Variants in DOCK9 observed in about 807,000 individuals in gnomAD.
DOCK9 encodes dedicator of cytokinesis protein 9.
DOCK9 carries 89 observed loss-of-function variants against 263.3 expected under a neutral mutation model. The observed-to-expected ratio is 0.34, with a 90% CI of 0.28 to 0.40. DOCK9 has a LOEUF of 0.40. Among genes scored for constraint, DOCK9 ranks in the 10% least tolerant of loss-of-function variants. The pLI, the probability that DOCK9 is intolerant of heterozygous loss-of-function variation, is 1.00. For missense variants in DOCK9, 2,140 were observed against 2,603.4 expected (o/e 0.82, Z 3.87); for synonymous variants, 976 against 973.1 (o/e 1.00, Z -0.06).
At chr13:99,033,406 G>GC (rs1384796184) in intron 1 of DOCK9, among the ~76,000 whole-genome samples, 4 of 152,282 alleles carry the variant, frequency 2.6e-5, no homozygotes, top group Non-Finnish European at 5.9e-5. Context: ...TGAAACTACT[G>GC]CCCCAAGGAG....
At chr13:98,844,188 G>C (rs1002532463) in intron 38 of DOCK9, among the ~76,000 whole-genome samples, 1 of 152,132 alleles carries the variant, frequency 6.6e-6, no homozygotes, top group South Asian at 2.1e-4. Context: ...CAACAGAAAA[G>C]ATGTTAAAAA....
rs1345480080 is a variant in DOCK9 at position 98,888,831 on chromosome 13, G to A, written c.1710-120C>T. On this transcript the variant is annotated intron_variant, in intron 15 of 52. Transcript: ENST00000682017. ...CATAAAGACAATTTTAAACATTCTA[G>A]TAGCCTCATGAAAAACAGCAAACAG... 8.7e-6 allele frequency: 7 copies of A among 803,456 alleles called. No individual in the cohort carries two copies. The African/African-American group carries it at 1.2e-4, about 14-fold the overall frequency. The allele number at this position is 803,456 out of a possible 1,614,324, so 49.8% of individuals were successfully genotyped here. A position where few individuals can be genotyped will look rare whatever the true frequency, so the allele number is the denominator to read the frequency against.
chr13:98,914,292 A>T (rs757832716), intron 9 of DOCK9, 36 bp downstream of exon 9: 8 of 1,562,970 alleles, frequency 5.1e-6, no homozygotes, highest in Non-Finnish European at 7.0e-6. Flanking sequence ...CTTCAACAGC[A>T]TTCAACGAAG....
At chr13:98,877,574 T>C (rs1006683642) in intron 27 of DOCK9, among the ~76,000 whole-genome samples, 11 of 152,042 alleles carry the variant, frequency 7.2e-5, no homozygotes, top group Non-Finnish European at 1.5e-4. Flanking sequence ...TGGTCCTCAT[T>C]CTCCTTCTTC....
chr13:99,087,229 CCGGAGGCA>C (rs2042369191), upstream of DOCK9, among the ~76,000 whole-genome samples: 1 of 152,128 alleles, frequency 6.6e-6, no homozygotes, highest in African/African-American at 2.4e-5. Flanking sequence ...CGTTCAGTCC[CCGGAGGCA>C]CGGAGCTCGC....
chr13:99,038,603 G>A (rs899990695), intron 1 of DOCK9, among the ~76,000 whole-genome samples: 3 of 152,084 alleles, frequency 2.0e-5, no homozygotes, highest in African/African-American at 7.2e-5. Flanking sequence ...ACCACGTCCG[G>A]CTTATGCCAC....
chr13:98,876,774 C>G (rs1053258326), intron 27 of DOCK9, among the ~76,000 whole-genome samples: 6 of 151,312 alleles, frequency 4.0e-5, no homozygotes, highest in African/African-American at 7.2e-5. Flanking sequence ...GTGATTAGGG[C>G]AAAGAACAGC....
chr13:99,043,505 C>CTA (rs1888670561), intron 1 of DOCK9, among the ~76,000 whole-genome samples: 1 of 152,172 alleles, frequency 6.6e-6, no homozygotes, highest in Admixed American at 6.5e-5. Flanking sequence ...AAGTCAGCCC[C>CTA]TCTAGCTTTC....
chr13:99,037,856 A>G (rs1222818402), intron 1 of DOCK9, among the ~76,000 whole-genome samples: 4 of 152,256 alleles, frequency 2.6e-5, no homozygotes, highest in African/African-American at 9.6e-5. Flanking sequence ...AAGACAAAAA[A>G]GAGTTCATAC....
chr13:98,979,222 GT>G (rs1184319362), upstream of DOCK9, among the ~76,000 whole-genome samples: 2 of 130,720 alleles, frequency 1.5e-5, no homozygotes, highest in African/African-American at 5.9e-5. Context: ...AGTAGTAGTA[GT>G]AGTAGTAGCA....
chr13:98,835,560 G>A (rs2092959671), intron 39 of DOCK9, among the ~76,000 whole-genome samples: 1 of 151,920 alleles, frequency 6.6e-6, no homozygotes, highest in Non-Finnish European at 1.5e-5. Context: ...ATCTTCCTTG[G>A]GTGTCTCAGG....
At chr13:99,085,193 C>T (rs2042279882) in intron 1 of DOCK9, among the ~76,000 whole-genome samples, 3 of 152,248 alleles carry the variant, frequency 2.0e-5, no homozygotes, top group Non-Finnish European at 2.9e-5. Context: ...GTTAAGGGGC[C>T]CGGCACTCTG....
intron 45 of DOCK9, among the ~76,000 whole-genome samples, chr13:98,816,839 T>G (rs755856073): frequency 2.0e-5 from 3 of 151,918 alleles, no homozygotes; most frequent in African/African-American, 7.3e-5. Flanking sequence ...AGGATTTACA[T>G]GTAGTTTGAG....
intron 4 of DOCK9, among the ~76,000 whole-genome samples, chr13:98,924,660 G>T (rs957710938): frequency 1.2e-4 from 18 of 152,296 alleles, no homozygotes; most frequent in African/African-American, 4.3e-4. Context: ...GGCAAGATGG[G>T]ATTACTTGTT....
At chr13:98,816,185 T>C (rs1280491695) in intron 45 of DOCK9, among the ~76,000 whole-genome samples, 1 of 152,192 alleles carries the variant, frequency 6.6e-6, no homozygotes, top group Non-Finnish European at 1.5e-5. Flanking sequence ...AATAGATTTT[T>C]ACCAAATGTG....
At chr13:99,018,465 C>T (rs146977289) in intron 1 of DOCK9, among the ~76,000 whole-genome samples, 40 of 152,294 alleles carry the variant, frequency 2.6e-4, no homozygotes, top group Admixed American at 1.1e-3. Context: ...TACAAATTAC[C>T]CTGTTTGTGG....
Position 98,880,667 on chromosome 13 carries a change from C to G in DOCK9, c.2751G>C (p.Ala917=). 1 of 1,613,242 alleles carries G rather than the reference C, an allele frequency of 6.2e-7. No individual in the cohort carries two copies. The highest frequency in any genetic ancestry group is 8.5e-7 in the Non-Finnish European group (1 of 1,179,620). ...ESHLRSYVKY[A]YKAEPYVASE... is the part of the protein sequence containing the mutation. ...AGGCAACATATGGCTCAGCCTTATA[C>G]GCGTACTTTGAAGAAAAGAGAAAGA... The change falls in exon 26 of 53, where the codon GCG becomes GCC. Residue 917 remains alanine, a synonymous_variant. Transcript: ENST00000682017.
At chr13:98,900,148 G>C (rs1461116908) in intron 13 of DOCK9, among the ~76,000 whole-genome samples, 2 of 130,028 alleles carry the variant, frequency 1.5e-5, no homozygotes, top group Non-Finnish European at 3.3e-5. Context: ...TGTACACATG[G>C]ATGAGCTTTA....
At chr13:98,881,460 C>A in intron 25 of DOCK9, 98 bp downstream of exon 25, 3 of 953,992 alleles carry the variant, frequency 3.1e-6, no homozygotes, top group Admixed American at 2.3e-5. Flanking sequence ...ACGTTACAAG[C>A]ACATCCTCAA....
Sources: allele counts gnomAD v4.1 joint callset (sites outside exome capture counted in the v4.1 genomes callset), GRCh38; gene constraint gnomAD v4.1.1; transcripts MANE v1.5; gene names NCBI Gene and HGNC (gene_info 2026-07-23, HGNC 2026-07-21).